The following ANKRD44 variants were observed in gnomAD, a reference collection of about 807,000 sequenced individuals.
ANKRD44 encodes ankyrin repeat domain 44, also known as serine/threonine-protein phosphatase 6 regulatory ankyrin repeat subunit B.
A neutral mutation model predicts 116.0 loss-of-function variants in ANKRD44; 35 were observed. The observed-to-expected ratio is 0.30, with a 90% CI of 0.23 to 0.40. The LOEUF (loss-of-function observed/expected upper bound fraction) is 0.40. Among genes scored for constraint, ANKRD44 ranks in the 10% least tolerant of loss-of-function variants. The pLI is 1.00. For missense variants in ANKRD44, 1,014 were observed against 1,242.6 expected (o/e 0.82, Z 2.77); for synonymous variants, 435 against 461.8 (o/e 0.94, Z 0.74).
chr2:197,123,837 T>C lies in ANKRD44; in HGVS notation c.551-1045A>G, dbSNP rs572355402. On this transcript the variant is annotated intron_variant, in intron 6 of 27. Coordinates refer to ENST00000282272, the MANE Select transcript of ANKRD44 (RefSeq NM_001195144.2). ...TTTATTAAAATTTGACTCTTTTCTC[T>C]CCAAGACTTTATATAGAAAAAATTT... 6.6e-5 allele frequency among the ~76,000 whole-genome samples: 10 copies of C among 152,224 alleles called. No individual in the cohort carries two copies. In the South Asian group the frequency reaches 2.1e-3, roughly 32 times the overall value.
intron 16 of ANKRD44, among the ~76,000 whole-genome samples, chr2:197,066,923 G>GA (rs2077445976): frequency 6.6e-6 from 1 of 152,114 alleles, no homozygotes; most frequent in East Asian, 1.9e-4. Flanking sequence ...CACAGAATTG[G>GA]TAAAAACTAC....
chr2:197,234,137 T>C (rs1035534458), intron 1 of ANKRD44, among the ~76,000 whole-genome samples: 3 of 152,316 alleles, frequency 2.0e-5, no homozygotes, highest in African/African-American at 7.2e-5. Flanking sequence ...ACCCACTGTT[T>C]ATATCCTGCC....
At chr2:197,161,222 C>T (rs1574580187) in intron 2 of ANKRD44, among the ~76,000 whole-genome samples, 1 of 152,014 alleles carries the variant, frequency 6.6e-6, no homozygotes, top group African/African-American at 2.4e-5. Context: ...TACGTAACAG[C>T]ACTTTTCGAA....
intron 2 of ANKRD44, among the ~76,000 whole-genome samples, chr2:197,171,208 A>G (rs1245597364): frequency 6.6e-6 from 1 of 152,204 alleles, no homozygotes; most frequent in African/African-American, 2.4e-5. Flanking sequence ...CTGTTCAGGA[A>G]CTTCCGAGTT....
chr2:196,999,563 C>CTTTAT (rs1553614092), intron 23 of ANKRD44, among the ~76,000 whole-genome samples: 3 of 138,396 alleles, frequency 2.2e-5, no homozygotes, highest in Non-Finnish European at 4.7e-5. Context: ...TGTACAGACA[C>CTTTAT]TTATTTATTT....
intron 2 of ANKRD44, among the ~76,000 whole-genome samples, chr2:197,170,190 C>CCAAAA (rs2080195655): frequency 8.3e-6 from 1 of 119,784 alleles, no homozygotes. Context: ...ACCCTGTTTC[C>CCAAAA]AAAAAAAAAA....
intron 1 of ANKRD44, among the ~76,000 whole-genome samples, chr2:197,238,912 C>T (rs1022910319): frequency 6.6e-5 from 10 of 152,068 alleles, no homozygotes; most frequent in African/African-American, 2.4e-4. Flanking sequence ...GCCATGTTGG[C>T]CAGGCTGGTC....
intron 2 of ANKRD44, among the ~76,000 whole-genome samples, chr2:197,148,285 T>C (rs948484447): frequency 2.0e-5 from 3 of 152,216 alleles, no homozygotes; most frequent in South Asian, 2.1e-4. Context: ...CACTCTTCTT[T>C]ATCCCCATAG....
chr2:197,307,685 T>C (rs1168828624), intron 1 of ANKRD44, among the ~76,000 whole-genome samples: 1 of 152,184 alleles, frequency 6.6e-6, no homozygotes, highest in Admixed American at 6.5e-5. Flanking sequence ...GACTGACTGC[T>C]GAAGTAGTGT....
At chr2:197,181,116 T>C (rs563037914) in intron 2 of ANKRD44, among the ~76,000 whole-genome samples, 37 of 152,366 alleles carry the variant, frequency 2.4e-4, no homozygotes, top group African/African-American at 8.7e-4. Flanking sequence ...TATTCCATTG[T>C]ATTCACAAAG....
chr2:197,025,914 G>A (rs2076582986), intron 16 of ANKRD44, among the ~76,000 whole-genome samples: 1 of 152,212 alleles, frequency 6.6e-6, no homozygotes, highest in South Asian at 2.1e-4. Context: ...AAAGACCAAT[G>A]TGACTAGGGC....
chr2:197,246,589 C>T (rs1248809441), intron 1 of ANKRD44, among the ~76,000 whole-genome samples: 3 of 151,892 alleles, frequency 2.0e-5, no homozygotes, highest in Non-Finnish European at 4.4e-5. Flanking sequence ...ATCTCGCTTA[C>T]ACTCAACAGT....
chr2:197,210,075 A>T (rs2125692552), intron 1 of ANKRD44, among the ~76,000 whole-genome samples: 1 of 152,328 alleles, frequency 6.6e-6, no homozygotes, highest in East Asian at 1.9e-4. Flanking sequence ...CCTCTGAGTG[A>T]GTGAGGAGAC....
chr2:197,164,383 G>A (rs992269387), intron 2 of ANKRD44, among the ~76,000 whole-genome samples: 8 of 152,158 alleles, frequency 5.3e-5, no homozygotes, highest in Non-Finnish European at 1.0e-4. Context: ...GTTCCCTGGC[G>A]GGGCCTGGTA....
intron 8 of ANKRD44, 58 bp downstream of exon 8, chr2:197,121,274 T>C (rs1319334194): frequency 1.9e-5 from 29 of 1,508,716 alleles, no homozygotes; most frequent in Non-Finnish European, 2.7e-5. Flanking sequence ...GCAGTTGATT[T>C]TGCTCAAACA....
chr2:197,189,497 C>T (rs574380690), intron 1 of ANKRD44, among the ~76,000 whole-genome samples: 15 of 152,308 alleles, frequency 9.8e-5, no homozygotes, highest in South Asian at 4.1e-4. Flanking sequence ...AGTCTCCGTT[C>T]GGGTTACATC....
intron 1 of ANKRD44, 67 bp downstream of exon 1, chr2:197,310,502 GCGCCCCCAT>G: frequency 1.0e-6 from 1 of 962,786 alleles, no homozygotes; most frequent in Non-Finnish European, 1.2e-6. Flanking sequence ...CGCTCCAGCC[GCGCCCCCAT>G]CCCCCCGCCG....
chr2:197,226,916 A>C (rs879162287), intron 1 of ANKRD44, among the ~76,000 whole-genome samples: 2 of 152,118 alleles, frequency 1.3e-5, no homozygotes, highest in African/African-American at 4.8e-5. Context: ...TTTGATTCCA[A>C]AAAGGGACCA....
At chr2:197,196,271 G>T (rs1215880870) in intron 1 of ANKRD44, among the ~76,000 whole-genome samples, 1 of 152,016 alleles carries the variant, frequency 6.6e-6, no homozygotes, top group Non-Finnish European at 1.5e-5. Context: ...AAGAAAAATG[G>T]CCAGAAGATG....
Sources: gnomAD v4.1 joint callset for allele counts (sites outside exome capture counted in the v4.1 genomes callset) on GRCh38, gnomAD v4.1.1 for gene constraint, MANE v1.5 for transcripts, NCBI Gene and HGNC (gene_info 2026-07-23, HGNC 2026-07-21) for gene names.